The following FRMD4A variants were observed in gnomAD, a reference collection of about 807,000 sequenced individuals.
FRMD4A encodes the protein FERM domain containing 4A.
FRMD4A carries 29 observed loss-of-function variants against 129.1 expected under a neutral mutation model. The ratio of observed to expected loss-of-function variants is 0.22; its 90% CI spans 0.17 to 0.31. The LOEUF is 0.31. Ranked by LOEUF, FRMD4A falls within the 10% of genes least tolerant of loss-of-function variation. FRMD4A has a pLI of 1.00. For synonymous variants in FRMD4A, 634 were observed against 571.6 expected (o/e 1.11, Z -1.56); for missense variants, 1,272 against 1,375.8 (o/e 0.92, Z 1.19).
intron 2 of FRMD4A, among the ~76,000 whole-genome samples, chr10:14,191,256 T>C (rs1842308028): frequency 6.6e-6 from 1 of 152,174 alleles, no homozygotes; most frequent in South Asian, 2.1e-4. Context: ...TGGGGCATGG[T>C]TTCAGTTGGG....
intron 2 of FRMD4A, among the ~76,000 whole-genome samples, chr10:14,084,041 A>G (rs1293783602): frequency 2.0e-5 from 3 of 152,342 alleles, no homozygotes; most frequent in Middle Eastern, 3.4e-3. Flanking sequence ...AATGGTCCAC[A>G]TGTAATGTGC....
intron 3 of FRMD4A, among the ~76,000 whole-genome samples, chr10:13,844,863 C>A (rs779544722): frequency 4.6e-5 from 7 of 152,168 alleles, no homozygotes; most frequent in Non-Finnish European, 8.8e-5. Context: ...ACACTGCAGT[C>A]TCTAGGAAGG....
chr10:14,192,638 C>G (rs139566880), intron 2 of FRMD4A, among the ~76,000 whole-genome samples: 1 of 152,330 alleles, frequency 6.6e-6, no homozygotes, highest in Non-Finnish European at 1.5e-5. Flanking sequence ...CCTTAAACCT[C>G]TCCAAAGAAG....
chr10:13,986,455 C>T (rs570284404), intron 2 of FRMD4A, among the ~76,000 whole-genome samples: 1 of 132,640 alleles, frequency 7.5e-6, no homozygotes, highest in South Asian at 2.4e-4. Context: ...AATGAGAACA[C>T]ATGGACACAG....
rs533921349 is a variant in FRMD4A at position 13,798,499 on chromosome 10, G to A, written c.207-1911C>T. ...TGGGAGGCCAAGGCAGACAGATCAC[G>A]AGGTCAGGAGATGGAGACCATCCTG... On this transcript the variant is annotated intron_variant, in intron 4 of 24. Transcript: ENST00000357447. Among the ~76,000 whole-genome samples the A allele has an allele frequency of 2.6e-5, 4 of 152,294 alleles. No homozygotes were observed. In the East Asian group the frequency reaches 7.7e-4, roughly 29 times the overall value.
At chr10:14,277,472 G>A (rs1410300136) in intron 2 of FRMD4A, among the ~76,000 whole-genome samples, 1 of 152,186 alleles carries the variant, frequency 6.6e-6, no homozygotes, top group African/African-American at 2.4e-5. Flanking sequence ...GAGAGAAGGT[G>A]CCACCTATGA....
chr10:14,186,226 G>A (rs1842142551), intron 2 of FRMD4A, among the ~76,000 whole-genome samples: 1 of 152,006 alleles, frequency 6.6e-6, no homozygotes, highest in Non-Finnish European at 1.5e-5. Flanking sequence ...CAATTGGTTG[G>A]AATCAATATG....
chr10:14,018,698 C>T (rs1832593398), intron 2 of FRMD4A, among the ~76,000 whole-genome samples: 1 of 151,914 alleles, frequency 6.6e-6, no homozygotes, highest in African/African-American at 2.4e-5. Context: ...TTGCAATTGT[C>T]CAAATGAGAA....
intron 6 of FRMD4A, among the ~76,000 whole-genome samples, chr10:13,775,348 G>C (rs1280861720): frequency 6.6e-6 from 1 of 152,252 alleles, no homozygotes; most frequent in Non-Finnish European, 1.5e-5. Context: ...CATTGTTGGG[G>C]AGCCCAAGGG....
chr10:14,153,689 C>G (rs570092081), intron 2 of FRMD4A, among the ~76,000 whole-genome samples: 43 of 152,278 alleles, frequency 2.8e-4, no homozygotes, highest in African/African-American at 9.9e-4. Flanking sequence ...TGCTCCCCTC[C>G]CGTCTCCAGC....
At chr10:13,816,719 C>T (rs760088094) in intron 3 of FRMD4A, among the ~76,000 whole-genome samples, 8 of 152,316 alleles carry the variant, frequency 5.3e-5, no homozygotes, top group Non-Finnish European at 8.8e-5. Context: ...TACAGAATCC[C>T]GCTGAGTATA....
intron 14 of FRMD4A, among the ~76,000 whole-genome samples, chr10:13,698,510 G>A (rs1400483238): frequency 6.6e-6 from 1 of 152,186 alleles, no homozygotes; most frequent in East Asian, 1.9e-4. Context: ...GTGTTGTAAT[G>A]TAATTCCCAA....
At chr10:14,215,577 G>T (rs1302920032) in intron 2 of FRMD4A, among the ~76,000 whole-genome samples, 1 of 152,062 alleles carries the variant, frequency 6.6e-6, no homozygotes, top group East Asian at 1.9e-4. Flanking sequence ...TTAAGGAAGT[G>T]GGGGGAAAAG....
intron 2 of FRMD4A, among the ~76,000 whole-genome samples, chr10:14,163,551 CT>C (rs1841014979): frequency 6.6e-6 from 1 of 152,188 alleles, no homozygotes; most frequent in Non-Finnish European, 1.5e-5. Flanking sequence ...CTTTGTTAAA[CT>C]TTCCCTTTTG....
rs188424825 is a variant in FRMD4A, at chr10:13,751,828, T to C, written c.465-4009A>G. The stretch of plus-strand genomic sequence containing the variant: ...GAGTTTGAGACCAGCCTGGGCAACA[T>C]AGCAAGACTCCATCTCTTTAAAAAT... On this transcript the variant is annotated intron_variant, in intron 8 of 24. Coordinates refer to ENST00000357447, the MANE Select transcript of FRMD4A (RefSeq NM_018027.5). 5.3e-5 allele frequency among the ~76,000 whole-genome samples: 8 copies of C among 152,068 alleles called. No homozygotes were observed. The East Asian group carries it at 1.3e-3, about 26-fold the overall frequency.
chr10:14,000,992 G>A (rs139758916), intron 2 of FRMD4A, among the ~76,000 whole-genome samples: 1 of 152,202 alleles, frequency 6.6e-6, no homozygotes, highest in East Asian at 1.9e-4. Flanking sequence ...CCCCTATTGA[G>A]AATGACATGA....
At chr10:13,881,759 T>C (rs556865781) in intron 2 of FRMD4A, among the ~76,000 whole-genome samples, 2 of 151,962 alleles carry the variant, frequency 1.3e-5, no homozygotes, top group East Asian at 2.0e-4. Flanking sequence ...GTCGTCACTG[T>C]CCATAGGATC....
intron 2 of FRMD4A, among the ~76,000 whole-genome samples, chr10:14,278,704 G>C (rs1391043672): frequency 2.0e-5 from 3 of 152,112 alleles, no homozygotes; most frequent in Non-Finnish European, 4.4e-5. Flanking sequence ...GGGATCATGC[G>C]TTTTCCAGCT....
intron 2 of FRMD4A, among the ~76,000 whole-genome samples, chr10:13,864,070 A>G (rs1290367024): frequency 6.6e-6 from 1 of 151,846 alleles, no homozygotes; most frequent in Non-Finnish European, 1.5e-5. Context: ...ATCTCGGCTC[A>G]CTGCAACCTC....
Sources: gnomAD v4.1 joint callset for allele counts (sites outside exome capture counted in the v4.1 genomes callset) on GRCh38, gnomAD v4.1.1 for gene constraint, MANE v1.5 for transcripts, NCBI Gene and HGNC (gene_info 2026-07-23, HGNC 2026-07-21) for gene names.